Variants in FAT3 observed in about 807,000 individuals in gnomAD.
The protein encoded by FAT3 is protocadherin Fat 3.
Under a neutral mutation model 310.2 loss-of-function variants are expected in FAT3, and 95 were observed. That is an observed-to-expected ratio of 0.31 (90% CI 0.26 to 0.36). The LOEUF is 0.36. Among genes scored for constraint, FAT3 ranks in the 10% least tolerant of loss-of-function variants. FAT3 has a pLI of 1.00. For missense variants in FAT3, 5,408 were observed against 5,715.6 expected (o/e 0.95, Z 1.74); for synonymous variants, 2,314 against 2,192.9 (o/e 1.06, Z -1.54).
chr11:92,507,603 A>T (rs1368811604), intron 2 of FAT3, among the ~76,000 whole-genome samples: 1 of 151,826 alleles, frequency 6.6e-6, no homozygotes, highest in African/African-American at 2.4e-5. Context: ...TATAACATAT[A>T]TGTGTGTATA....
In FAT3 at chr11:92,568,061, A is replaced by G. The variant is rs190991623; in HGVS notation, c.3607+43113A>G. On this transcript the variant is annotated intron_variant, in intron 3 of 27. Transcript: ENST00000525166. ...GTATAATAATAATAAAAAAAAATTC[A>G]TGCCATTCAGTCAATCCGCAAATAT... 7.9e-5 allele frequency among the ~76,000 whole-genome samples: 12 copies of G among 152,224 alleles called. No homozygotes were observed. The East Asian group carries it at 2.1e-3, about 27-fold the overall frequency.
chr11:92,715,266 G>T (rs565235054), intron 4 of FAT3, among the ~76,000 whole-genome samples: 1 of 151,244 alleles, frequency 6.6e-6, no homozygotes, highest in African/African-American at 2.4e-5. Flanking sequence ...AAAATAGCTG[G>T]GTGTGGTGGC....
intron 2 of FAT3, among the ~76,000 whole-genome samples, chr11:92,512,971 A>C (rs1351104539): frequency 1.0e-5 from 1 of 99,312 alleles, no homozygotes; most frequent in Non-Finnish European, 2.0e-5. Context: ...AAATACAAAA[A>C]ATTAGCCGGG....
chr11:92,624,946 T>C (rs532779377), intron 3 of FAT3, among the ~76,000 whole-genome samples: 1 of 152,352 alleles, frequency 6.6e-6, no homozygotes, highest in South Asian at 2.1e-4. Context: ...CCTCTATGCA[T>C]TTCTGTCTCT....
At chr11:92,435,318 G>A (rs1950900937) in intron 2 of FAT3, among the ~76,000 whole-genome samples, 1 of 152,140 alleles carries the variant, frequency 6.6e-6, no homozygotes, top group Non-Finnish European at 1.5e-5. Flanking sequence ...TTACCATACA[G>A]GCTTTTCCCT....
intron 3 of FAT3, among the ~76,000 whole-genome samples, chr11:92,618,937 G>C (rs2135660108): frequency 6.6e-6 from 1 of 152,136 alleles, no homozygotes; most frequent in African/African-American, 2.4e-5. Context: ...AGGAACAATG[G>C]ATTAAGTATT....
At chr11:92,671,135 C>T (rs1377484398) in intron 3 of FAT3, among the ~76,000 whole-genome samples, 1 of 151,906 alleles carries the variant, frequency 6.6e-6, no homozygotes, top group East Asian at 1.9e-4. Context: ...ACCTCCGCTT[C>T]CTGGGTTCAA....
chr11:92,864,591 G>A (rs1331540563), intron 21 of FAT3, among the ~76,000 whole-genome samples: 1 of 152,176 alleles, frequency 6.6e-6, no homozygotes, highest in Admixed American at 6.5e-5. Context: ...GCCGAGGCAG[G>A]CAGATCACAC....
At chr11:92,295,546 A>T (rs1345633081) in intron 1 of FAT3, among the ~76,000 whole-genome samples, 1 of 152,114 alleles carries the variant, frequency 6.6e-6, no homozygotes, top group African/African-American at 2.4e-5. Context: ...TCCCACAATG[A>T]TCAGTTATCT....
At chr11:92,295,858 C>T (rs1455806669) in intron 1 of FAT3, among the ~76,000 whole-genome samples, 2 of 152,064 alleles carry the variant, frequency 1.3e-5, no homozygotes, top group African/African-American at 2.4e-5. Flanking sequence ...AAGCCCAGGA[C>T]TCACCCTAAA....
At chr11:92,610,542 A>AT (rs1940514450) in intron 3 of FAT3, among the ~76,000 whole-genome samples, 1 of 151,652 alleles carries the variant, frequency 6.6e-6, no homozygotes, top group African/African-American at 2.4e-5. Context: ...GTCTTTTTTC[A>AT]TTTTCTCCTT....
At chr11:92,549,894 T>C (rs1954746408) in intron 3 of FAT3, among the ~76,000 whole-genome samples, 1 of 152,170 alleles carries the variant, frequency 6.6e-6, no homozygotes, top group African/African-American at 2.4e-5. Context: ...ATATATACTC[T>C]CATTTCATTT....
At chr11:92,752,482 A>G (rs540911672) in intron 4 of FAT3, among the ~76,000 whole-genome samples, 1 of 152,366 alleles carries the variant, frequency 6.6e-6, no homozygotes, top group African/African-American at 2.4e-5. Flanking sequence ...TGCATCTCAC[A>G]GTGAGTACTT....
At chr11:92,244,324 G>A (rs926262083) in intron 1 of FAT3, among the ~76,000 whole-genome samples, 3 of 151,868 alleles carry the variant, frequency 2.0e-5, no homozygotes, top group Admixed American at 1.3e-4. Context: ...ATAAAAATCC[G>A]GACTCCCAGT....
intron 1 of FAT3, among the ~76,000 whole-genome samples, chr11:92,300,050 A>C (rs1946954879): frequency 6.6e-6 from 1 of 152,168 alleles, no homozygotes; most frequent in Admixed American, 6.5e-5. Flanking sequence ...CTCATGATTC[A>C]AAATGAGTAA....
chr11:92,589,980 G>A (rs562107456), intron 3 of FAT3, among the ~76,000 whole-genome samples: 4 of 152,226 alleles, frequency 2.6e-5, no homozygotes, highest in South Asian at 4.1e-4. Context: ...TTAAATTTCA[G>A]TAGATTTTTA....
chr11:92,305,331 A>G (rs1947092696), intron 1 of FAT3, among the ~76,000 whole-genome samples: 1 of 152,172 alleles, frequency 6.6e-6, no homozygotes, highest in African/African-American at 2.4e-5. Context: ...TCCTTACCGT[A>G]GAATTCTAGT....
intron 2 of FAT3, among the ~76,000 whole-genome samples, chr11:92,422,461 G>A (rs1950551591): frequency 6.6e-6 from 1 of 152,160 alleles, no homozygotes; most frequent in African/African-American, 2.4e-5. Flanking sequence ...CCATCTTGAA[G>A]CTATAGTTCC....
intron 4 of FAT3, among the ~76,000 whole-genome samples, chr11:92,707,545 G>T (rs1944391578): frequency 6.6e-6 from 1 of 152,150 alleles, no homozygotes; most frequent in African/African-American, 2.4e-5. Flanking sequence ...TACCTTCTTG[G>T]AGAAGAGGTT....
Sources: gnomAD v4.1 joint callset for allele counts (sites outside exome capture counted in the v4.1 genomes callset) on GRCh38, gnomAD v4.1.1 for gene constraint, MANE v1.5 for transcripts, NCBI Gene and HGNC (gene_info 2026-07-23, HGNC 2026-07-21) for gene names.